Variants in PRKAG2 observed in about 807,000 individuals in gnomAD.
PRKAG2 encodes the protein 5'-AMP-activated protein kinase subunit gamma-2.
In PRKAG2, 26 loss-of-function variants were observed where a neutral mutation model predicts 69.6. That is an observed-to-expected ratio of 0.37 (90% confidence interval 0.27 to 0.52). The LOEUF (loss-of-function observed/expected upper bound fraction) is 0.52. Ranked by LOEUF, PRKAG2 falls within the 20% of genes least tolerant of loss-of-function variation. PRKAG2 has a pLI of 0.90. For synonymous variants in PRKAG2, 293 were observed against 285.0 expected (o/e 1.03, Z -0.28); for missense variants, 557 against 740.0 (o/e 0.75, Z 2.87).
chr7:151,558,586 G>C, intron 15 of PRKAG2: 1 of 924,136 alleles, frequency 1.1e-6, no homozygotes, highest in Non-Finnish European at 1.3e-6. Flanking sequence ...TTGTTGATCA[G>C]ATGCAGGCGC....
At position 151,744,775 on chromosome 7, in the gene PRKAG2, G is replaced by A. The variant is rs549988403; in HGVS notation, c.466+36377C>T. On this transcript the variant is annotated intron_variant, in intron 3 of 15. Coordinates refer to ENST00000287878, the MANE Select transcript of PRKAG2 (RefSeq NM_016203.4). Reference sequence around the variant, plus strand: ...AGGGCTGCTGAGGCCTGGGAGCACCGCGCAGGCAGAATCAGCCCGGCCGAC... The same window carrying A: ...AGGGCTGCTGAGGCCTGGGAGCACCACGCAGGCAGAATCAGCCCGGCCGAC... Among the ~76,000 whole-genome samples the A allele has an allele frequency of 7.2e-5, 11 of 152,202 alleles. No homozygotes were observed. The South Asian group carries it at 2.1e-3, about 29-fold the overall frequency.
At chr7:151,599,595 C>T (rs1300229023) in intron 5 of PRKAG2, among the ~76,000 whole-genome samples, 1 of 152,154 alleles carries the variant, frequency 6.6e-6, no homozygotes, top group Non-Finnish European at 1.5e-5. Flanking sequence ...GAAACTGTTC[C>T]ACCTCAGATC....
At chr7:151,745,991 G>A (rs780582501) in intron 3 of PRKAG2, among the ~76,000 whole-genome samples, 3 of 152,208 alleles carry the variant, frequency 2.0e-5, no homozygotes, top group Non-Finnish European at 2.9e-5. Context: ...TGGGCTCAAC[G>A]GGGGCCACCA....
intron 3 of PRKAG2, among the ~76,000 whole-genome samples, chr7:151,739,444 T>TTATC (rs1197195260): frequency 6.7e-6 from 1 of 149,966 alleles, no homozygotes; most frequent in Non-Finnish European, 1.5e-5. Flanking sequence ...CAGCCTTTAT[T>TTATC]TATTTATTTA....
At position 151,781,594 on chromosome 7, in the gene PRKAG2, GTC is replaced by G. The variant is rs1374951348; in HGVS notation, c.187-165_187-164del. 6.6e-6 allele frequency among the ~76,000 whole-genome samples: 1 copy of G among 152,150 alleles called. No homozygotes were observed. Among genetic ancestry groups the G allele is most frequent in the Non-Finnish European group, 1.5e-5 (1 of 68,024 alleles). On this transcript the variant is annotated intron_variant, in intron 2 of 15. Coordinates refer to ENST00000287878, the MANE Select transcript of PRKAG2 (RefSeq NM_016203.4). The surrounding 1 kb of genome is among the most constrained non-coding windows in gnomAD (Gnocchi z 6.1). ...CTTCCACAGAGGTAGCCACTGAATG[GTC>G]TGCAGGTAGCACCTGCCCCAAGGAT...
At chr7:151,818,068 T>A (rs2078686352) in intron 1 of PRKAG2, among the ~76,000 whole-genome samples, 1 of 152,144 alleles carries the variant, frequency 6.6e-6, no homozygotes, top group African/African-American at 2.4e-5. Context: ...ACGGAAAGGA[T>A]CAGGTACCAC....
At position 151,700,629 on chromosome 7, in the gene PRKAG2, C is replaced by T. The variant is rs541135330; in HGVS notation, c.467-24992G>A. Among the ~76,000 whole-genome samples the T allele has an allele frequency of 1.1e-3, 174 of 152,222 alleles. 1 individual carries two copies. Among genetic ancestry groups the T allele is most frequent in the Non-Finnish European group, 1.3e-3 (91 of 68,016 alleles). Reference sequence around the variant, plus strand: ...AGGTTCCAGGTAATGCCAGGCCTGCCGGTCTGGGGCTCACACCCTGAGAGC... The same window carrying T: ...AGGTTCCAGGTAATGCCAGGCCTGCTGGTCTGGGGCTCACACCCTGAGAGC... On this transcript the variant is annotated intron_variant, in intron 3 of 15. Transcript: ENST00000287878.
At chr7:151,568,992 T>A in intron 10 of PRKAG2, 150 bp from the exon 11 acceptor site, 1 of 866,408 alleles carries the variant, frequency 1.2e-6, no homozygotes, top group South Asian at 1.5e-5. Flanking sequence ...TCTCAGCAAA[T>A]TTTTCATTTT....
intron 3 of PRKAG2, chr7:151,736,116 G>A: frequency 1.3e-6 from 2 of 1,488,738 alleles, no homozygotes; most frequent in Non-Finnish European, 1.8e-6. Flanking sequence ...CGCCCCAAAA[G>A]CTCAGAGTGG....
chr7:151,669,789 C>A (rs1381236315), intron 4 of PRKAG2, among the ~76,000 whole-genome samples: 2 of 148,922 alleles, frequency 1.3e-5, no homozygotes, highest in African/African-American at 5.0e-5. Context: ...TGCACGCACA[C>A]ACCTGTGCAC....
intron 6 of PRKAG2, among the ~76,000 whole-genome samples, chr7:151,582,005 A>C (rs1470220376): frequency 6.6e-6 from 1 of 152,238 alleles, no homozygotes; most frequent in Non-Finnish European, 1.5e-5. Context: ...CGGGGTAATA[A>C]TACAGACGTT....
Position 151,844,992 on chromosome 7 carries a change from GAA to G in PRKAG2, c.114+31513_114+31514del, listed in dbSNP as rs2079397033. Reference sequence around the variant, plus strand: ...CACAGCTCCTCTTCTCGGTGCTGTTGAAAAGAGTGTATGCGGAGCTCCAGGGA... The same window carrying G: ...CACAGCTCCTCTTCTCGGTGCTGTTGAAGAGTGTATGCGGAGCTCCAGGGA... On this transcript the variant is annotated intron_variant, in intron 1 of 15. Transcript: ENST00000287878. Among the ~76,000 whole-genome samples the G allele has an allele frequency of 2.0e-5, 3 of 152,210 alleles. No individual in the cohort carries two copies. In the South Asian group the frequency reaches 6.2e-4, roughly 32 times the overall value.
At chr7:151,797,209 C>G (rs972809988) in intron 1 of PRKAG2, among the ~76,000 whole-genome samples, 3 of 149,986 alleles carry the variant, frequency 2.0e-5, no homozygotes, top group Non-Finnish European at 3.0e-5. Flanking sequence ...ACGCTTCCCC[C>G]ACAGTCAGCT....
At chr7:151,565,578 C>A in intron 12 of PRKAG2, 142 bp downstream of exon 12, 11 of 1,189,318 alleles carry the variant, frequency 9.2e-6, no homozygotes, top group Non-Finnish European at 1.2e-5. Context: ...TTTTTACGAT[C>A]CTGCGTGCCC....
chr7:151,661,765 C>T (rs538197186), intron 4 of PRKAG2, among the ~76,000 whole-genome samples: 32 of 152,102 alleles, frequency 2.1e-4, no homozygotes, highest in South Asian at 1.9e-3. Context: ...ACAGGGTATG[C>T]GTTCCTTCTC....
At chr7:151,657,297 C>T (rs924685531) in intron 4 of PRKAG2, among the ~76,000 whole-genome samples, 6 of 152,196 alleles carry the variant, frequency 3.9e-5, no homozygotes, top group African/African-American at 1.2e-4. Flanking sequence ...TCAAAGCTTG[C>T]ACCTTTCCTC....
chr7:151,807,061 T>C lies in PRKAG2; in HGVS notation c.115-20520A>G. 2.3e-6 allele frequency: 1 copy of C among 433,656 alleles called. No homozygotes were observed. The highest frequency in any genetic ancestry group is 4.6e-6 in the Non-Finnish European group (1 of 218,484). 26.9% of individuals were successfully genotyped at this position (433,656 alleles called of 1,614,324 possible). A position where few individuals can be genotyped will look rare whatever the true frequency, so the allele number is the denominator to read the frequency against. ...GGTAAGACATGGACCCACCCTCAAG[T>C]CTGAAGGTGGAGGTGGGGAAGGGCA... On this transcript the variant is annotated intron_variant, in intron 1 of 15. Coordinates refer to ENST00000287878, the MANE Select transcript of PRKAG2 (RefSeq NM_016203.4). The surrounding 1 kb of genome is among the most constrained non-coding windows in gnomAD (Gnocchi z 4.4).
rs149731605 is a variant in PRKAG2 at position 151,605,157 on chromosome 7, T to A, written c.755-9703A>T. Among the ~76,000 whole-genome samples, 1,491 of 151,986 alleles carry A rather than the reference T, an allele frequency of 9.8e-3. 28 individuals carry two copies. The highest frequency in any genetic ancestry group is 0.034 in the African/African-American group (1,416 of 41,474). On this transcript the variant is annotated intron_variant, in intron 5 of 15. Transcript: ENST00000287878. ...TCAGCCTCCTGAGTAGCTTGGATTA[T>A]AGGTGTGGGAAAACAAGCCTGGCTA...
chr7:151,795,683 C>A (rs949578741), intron 1 of PRKAG2, among the ~76,000 whole-genome samples: 5 of 151,852 alleles, frequency 3.3e-5, no homozygotes, highest in African/African-American at 1.2e-4. Context: ...GGGCCTCCCC[C>A]AATCCGCAGC....
Sources: gnomAD v4.1 joint callset for allele counts (sites outside exome capture counted in the v4.1 genomes callset) on GRCh38, gnomAD v4.1.1 for gene constraint, Gnocchi (gnomAD v3.1) non-coding constraint, MANE v1.5 for transcripts, NCBI Gene and HGNC (gene_info 2026-07-23, HGNC 2026-07-21) for gene names.